SEMA6D: variants seen among roughly 807,000 people sequenced by gnomAD.
SEMA6D encodes the protein semaphorin 6D.
A neutral mutation model predicts 106.6 loss-of-function variants in SEMA6D; 35 were observed. That is an observed-to-expected ratio of 0.33 (90% CI 0.25 to 0.44). The LOEUF is 0.44. SEMA6D is among the 20% of genes least tolerant of loss of function. The probability of loss-of-function intolerance (pLI) is 1.00; values close to 1 mark genes in which losing one functional copy is unlikely to be tolerated. For synonymous variants in SEMA6D, 499 were observed against 487.7 expected (o/e 1.02, Z -0.31); for missense variants, 1,185 against 1,345.9 (o/e 0.88, Z 1.87).
intron 1 of SEMA6D, among the ~76,000 whole-genome samples, chr15:47,226,610 T>G (rs1563245): frequency 0.43 from 65,404 of 151,914 alleles, 15,261 homozygotes; most frequent in African/African-American, 0.58. Flanking sequence ...GATGAGTCAA[T>G]GACCAAGAAG....
intron 8 of SEMA6D, 147 bp downstream of exon 8, chr15:47,762,466 C>A: frequency 2.2e-6 from 2 of 908,188 alleles, no homozygotes; most frequent in Non-Finnish European, 3.2e-6. Context: ...TGAACAGGAG[C>A]ATTGACAGGG....
chr15:47,722,444 A>T (rs767167955), intron 1 of SEMA6D, among the ~76,000 whole-genome samples: 3 of 152,196 alleles, frequency 2.0e-5, no homozygotes, highest in Non-Finnish European at 4.4e-5. Flanking sequence ...ACTAGTGCCG[A>T]AACTTTCTGT....
At chr15:47,237,365 C>T (rs1341602084) in intron 1 of SEMA6D, among the ~76,000 whole-genome samples, 1 of 152,102 alleles carries the variant, frequency 6.6e-6, no homozygotes, top group South Asian at 2.1e-4. Flanking sequence ...GATTGTCTGG[C>T]AAACCCTAGA....
At chr15:47,745,034 C>T (rs1029580967) in intron 1 of SEMA6D, among the ~76,000 whole-genome samples, 4 of 152,242 alleles carry the variant, frequency 2.6e-5, no homozygotes, top group Non-Finnish European at 5.9e-5. Flanking sequence ...GATTTTTTAC[C>T]TCCCTATTAT....
At position 47,760,372 on chromosome 15, in the gene SEMA6D, C is replaced by G; in HGVS notation, c.178C>G (p.Gln60Glu). ...TGAATCGCAGCACAGGCTGGACTTT[C>G]AGCTGATGTTGAAAATTCGAGACAC... ...GNESQHRLDF[Q>E]LMLKIRDTLY... The change falls in exon 3 of 19, where the codon CAG (glutamine) becomes GAG (glutamate). Residue 60 changes from glutamine to glutamate, a missense_variant. This residue lies in a region of SEMA6D where 144 missense variants were observed against 138.6 expected (regional missense o/e 1.04). Coordinates refer to ENST00000536845, the MANE Select transcript of SEMA6D (RefSeq NM_001358351.3). 6.2e-7 allele frequency: 1 copy of G among 1,613,620 alleles called. No homozygotes were observed. The highest frequency in any genetic ancestry group is 1.3e-5 in the African/African-American group (1 of 75,014).
chr15:47,316,186 G>C (rs2143386734), intron 1 of SEMA6D, among the ~76,000 whole-genome samples: 1 of 140,896 alleles, frequency 7.1e-6, no homozygotes, highest in East Asian at 2.2e-4. Context: ...TCCACCTCCT[G>C]GGTTCAAGCA....
chr15:47,289,933 A>G lies in SEMA6D; in HGVS notation c.-239+105515A>G, dbSNP rs111597856. On this transcript the variant is annotated intron_variant, in intron 1 of 19. Transcript: ENST00000558014. Reference sequence around the variant, plus strand: ...GCCACTGTAACTTCATCCTGGGAGGACTGAAATAATTGCTGGGCTCCTTTC... The same window carrying G: ...GCCACTGTAACTTCATCCTGGGAGGGCTGAAATAATTGCTGGGCTCCTTTC... Among the ~76,000 whole-genome samples the G allele has an allele frequency of 1.0e-2, 1,517 of 151,824 alleles. 10 individuals are homozygous for G. Among genetic ancestry groups the G allele is most frequent in the Admixed American group, 0.017 (264 of 15,188 alleles).
intron 4 of SEMA6D, among the ~76,000 whole-genome samples, chr15:47,684,503 A>C (rs1192221583): frequency 6.6e-6 from 1 of 152,196 alleles, no homozygotes; most frequent in African/African-American, 2.4e-5. Flanking sequence ...TAAAGCACAG[A>C]GACATGATAT....
intron 4 of SEMA6D, among the ~76,000 whole-genome samples, chr15:47,620,696 A>ATG (rs1444692400): frequency 2.5e-5 from 3 of 119,566 alleles, no homozygotes; most frequent in Non-Finnish European, 4.0e-5. Context: ...CCTTTAAAAT[A>ATG]TATATATATA....
At chr15:47,765,578 A>G in intron 13 of SEMA6D, 1 of 552,858 alleles carries the variant, frequency 1.8e-6, no homozygotes, top group Non-Finnish European at 2.5e-6. Context: ...TATATGCATT[A>G]AAGCACGATC....
intron 1 of SEMA6D, among the ~76,000 whole-genome samples, chr15:47,372,085 G>T (rs969110396): frequency 1.3e-5 from 2 of 152,150 alleles, no homozygotes; most frequent in Admixed American, 6.5e-5. Context: ...ACCTTTTTCA[G>T]TTTCATCCCC....
intron 1 of SEMA6D, among the ~76,000 whole-genome samples, chr15:47,267,606 A>G (rs746237997): frequency 3.9e-5 from 6 of 152,036 alleles, no homozygotes; most frequent in Non-Finnish European, 8.8e-5. Context: ...GACTTAACTT[A>G]TTTCACAATT....
intron 1 of SEMA6D, among the ~76,000 whole-genome samples, chr15:47,240,642 C>G (rs761815644): frequency 1.3e-5 from 2 of 152,124 alleles, no homozygotes; most frequent in Non-Finnish European, 2.9e-5. Flanking sequence ...TGCAACAAAA[C>G]AGTACTCTAA....
chr15:47,211,931 C>T (rs1379515605), intron 1 of SEMA6D, among the ~76,000 whole-genome samples: 5 of 151,806 alleles, frequency 3.3e-5, no homozygotes, highest in Non-Finnish European at 5.9e-5. Context: ...TGCAGACAGT[C>T]AAGTCTTTAT....
At chr15:47,558,618 A>G (rs1479234014) in intron 3 of SEMA6D, among the ~76,000 whole-genome samples, 1 of 152,092 alleles carries the variant, frequency 6.6e-6, no homozygotes, top group Non-Finnish European at 1.5e-5. Context: ...GGGCATGATT[A>G]TCAGTCAGGG....
chr15:47,221,785 G>A (rs1350316397), intron 1 of SEMA6D, among the ~76,000 whole-genome samples: 1 of 152,130 alleles, frequency 6.6e-6, no homozygotes, highest in Non-Finnish European at 1.5e-5. Flanking sequence ...TAGTAATGAG[G>A]CCCAATGTTA....
At chr15:47,428,990 G>T (rs1214523287) in intron 2 of SEMA6D, among the ~76,000 whole-genome samples, 2 of 151,330 alleles carry the variant, frequency 1.3e-5, no homozygotes, top group African/African-American at 2.4e-5. Flanking sequence ...GAGGAAAGAA[G>T]AAAGGGAGGG....
At chr15:47,571,420 T>C (rs2046378992) in intron 3 of SEMA6D, among the ~76,000 whole-genome samples, 1 of 152,234 alleles carries the variant, frequency 6.6e-6, no homozygotes, top group Non-Finnish European at 1.5e-5. Flanking sequence ...GCTGTCTGAT[T>C]AGAGCATTCT....
At chr15:47,253,250 G>T (rs1451450453) in intron 1 of SEMA6D, among the ~76,000 whole-genome samples, 1 of 152,116 alleles carries the variant, frequency 6.6e-6, no homozygotes, top group Non-Finnish European at 1.5e-5. Context: ...TATACATGCT[G>T]CATGTTAAAC....
Sources: allele counts gnomAD v4.1 joint callset (sites outside exome capture counted in the v4.1 genomes callset), GRCh38; gene constraint gnomAD v4.1.1; regional missense constraint gnomAD v4.1.1; transcripts MANE v1.5; gene names NCBI Gene and HGNC (gene_info 2026-07-23, HGNC 2026-07-21).